Variants in MCUB observed in about 807,000 individuals in gnomAD.
MCUB encodes the protein calcium uniporter regulatory subunit MCUb, mitochondrial.
In MCUB, 46 loss-of-function variants were observed where a neutral mutation model predicts 41.4. The ratio of observed to expected loss-of-function variants is 1.11; its 90% CI spans 0.88 to 1.42. The LOEUF (loss-of-function observed/expected upper bound fraction) is 1.42, where lower values mean the gene tolerates loss of function less well. Among genes scored for constraint, MCUB ranks in the 40% most tolerant of loss-of-function variants. MCUB has a pLI of 0.00. For missense variants in MCUB, 403 were observed against 404.9 expected, an observed-to-expected ratio of 1.00 and a Z score of 0.04; for synonymous variants, 148 against 148.2, an observed-to-expected ratio of 1.00 and a Z score of 0.01.
chr4:109,603,539 GTC>G (rs1274113228), intron 1 of MCUB, among the ~76,000 whole-genome samples: 3 of 151,342 alleles, frequency 2.0e-5, no homozygotes, highest in East Asian at 2.0e-4. Flanking sequence ...AGTGAGGAGT[GTC>G]TCTGCCTGGC....
intron 1 of MCUB, among the ~76,000 whole-genome samples, chr4:109,578,190 A>T (rs939553138): frequency 5.3e-5 from 8 of 152,146 alleles, no homozygotes; most frequent in African/African-American, 1.9e-4. Flanking sequence ...CCCCCCACAC[A>T]CAAAAAATCC....
chr4:109,612,696 T>C (rs886833619), intron 1 of MCUB, among the ~76,000 whole-genome samples: 1 of 152,054 alleles, frequency 6.6e-6, no homozygotes, highest in Non-Finnish European at 1.5e-5. Flanking sequence ...AACATATAAA[T>C]GGGGGAGAGG....
At chr4:109,652,181 A>C (rs1728976577) in intron 1 of MCUB, among the ~76,000 whole-genome samples, 1 of 152,064 alleles carries the variant, frequency 6.6e-6, no homozygotes, top group African/African-American at 2.4e-5. Flanking sequence ...TATACTAATG[A>C]CCTCATTTTA....
chr4:109,625,965 T>G (rs1464315025), intron 1 of MCUB, among the ~76,000 whole-genome samples: 1 of 152,238 alleles, frequency 6.6e-6, no homozygotes, highest in Non-Finnish European at 1.5e-5. Flanking sequence ...GCATTCGTCC[T>G]CAGTGTTAAA....
Position 109,685,271 on chromosome 4 carries a change from T to C in MCUB, c.837T>C (p.Val279=). The C allele has an allele frequency of 6.7e-7, 1 of 1,497,684 alleles. No individual in the cohort carries two copies. The highest frequency in any genetic ancestry group is 9.3e-7 in the Non-Finnish European group (1 of 1,075,444). The allele number at this position is 1,497,684 out of a possible 1,614,324, so 92.8% of individuals were successfully genotyped here. A position where few individuals can be genotyped will look rare whatever the true frequency, so the allele number is the denominator to read the frequency against. ...VTRQDYTYSA[V]KSRQFLQFFH... is the part of the protein sequence containing the mutation. ...TTAAGGATTATACTTACTCAGCTGT[T>C]AAGAGTAGGCAATTTCTTCAGTTCT... Residue 279 remains valine, a synonymous_variant, in exon 7 of 8, where the codon GTT becomes GTC. Transcript: ENST00000394650.
chr4:109,568,423 G>A (rs116726939), intron 1 of MCUB, among the ~76,000 whole-genome samples: 2,676 of 152,146 alleles, frequency 0.018, 80 homozygotes, highest in African/African-American at 0.06. Context: ...CCGCTCTAGC[G>A]TGGCTGAGCT....
intron 1 of MCUB, among the ~76,000 whole-genome samples, chr4:109,633,298 C>T (rs571203061): frequency 2.0e-5 from 3 of 152,096 alleles, no homozygotes; most frequent in African/African-American, 7.2e-5. Context: ...GACAAAGTCT[C>T]GGTCTGTCGC....
intron 1 of MCUB, among the ~76,000 whole-genome samples, chr4:109,638,798 C>T (rs1728651911): frequency 1.3e-5 from 2 of 152,344 alleles, no homozygotes; most frequent in South Asian, 4.1e-4. Flanking sequence ...AAATTCACAG[C>T]ATCTTCACCA....
rs77427899 is a variant in MCUB, at chr4:109,583,153, C to T, written c.99+22717C>T. On this transcript the variant is annotated intron_variant, in intron 1 of 7. Coordinates refer to ENST00000394650, the MANE Select transcript of MCUB (RefSeq NM_017918.5). ...CATTGAATCTATAAATTACCTTGGG[C>T]GGTACGGCCATTTTCATGATACTGA... Among the ~76,000 whole-genome samples the T allele has an allele frequency of 3.5e-3, 533 of 152,242 alleles. 11 individuals carry two copies. In the East Asian group the frequency reaches 0.055, roughly 16 times the overall value.
chr4:109,668,776 T>C (rs1315159398), intron 4 of MCUB, among the ~76,000 whole-genome samples: 1 of 152,054 alleles, frequency 6.6e-6, no homozygotes, highest in East Asian at 1.9e-4. Context: ...GTATATTTCA[T>C]TTTCTCTCCT....
intron 1 of MCUB, among the ~76,000 whole-genome samples, chr4:109,637,645 T>A (rs926036724): frequency 1.3e-5 from 2 of 152,184 alleles, no homozygotes; most frequent in African/African-American, 4.8e-5. Flanking sequence ...GTGAAGTAAC[T>A]CAGGAATGGA....
At chr4:109,627,697 G>A (rs1728389930) in intron 1 of MCUB, among the ~76,000 whole-genome samples, 1 of 152,172 alleles carries the variant, frequency 6.6e-6, no homozygotes, top group African/African-American at 2.4e-5. Context: ...CGGATCACCT[G>A]AGGTCAGGAA....
intron 1 of MCUB, among the ~76,000 whole-genome samples, chr4:109,599,680 TA>T (rs67040274): frequency 0.046 from 6,934 of 151,238 alleles, 455 homozygotes; most frequent in African/African-American, 0.15. Context: ...TTTATTTATT[TA>T]TTTTTTTAAG....
chr4:109,593,046 T>A (rs1293347209), intron 1 of MCUB, among the ~76,000 whole-genome samples: 1 of 152,232 alleles, frequency 6.6e-6, no homozygotes, highest in South Asian at 2.1e-4. Context: ...GACAAATGCT[T>A]CTTTCAGTGC....
rs551456587 is a variant in MCUB, at chr4:109,594,676, A to G, written c.99+34240A>G. 1.1e-4 allele frequency among the ~76,000 whole-genome samples: 16 copies of G among 152,024 alleles called. No individual in the cohort carries two copies. In the South Asian group the frequency reaches 3.1e-3, roughly 30 times the overall value. ...TTGTCTCAAAAAAAAAAGGAGGGAAAGGCAGCCCCCTCAATAATCCCTGGA... is the reference window on the plus strand; with the variant it reads ...TTGTCTCAAAAAAAAAAGGAGGGAAGGGCAGCCCCCTCAATAATCCCTGGA... On this transcript the variant is annotated intron_variant, in intron 1 of 7. Coordinates refer to ENST00000394650, the MANE Select transcript of MCUB (RefSeq NM_017918.5).
chr4:109,657,889 G>A (rs568839136), intron 1 of MCUB, among the ~76,000 whole-genome samples: 3 of 152,244 alleles, frequency 2.0e-5, no homozygotes, highest in South Asian at 2.1e-4. Flanking sequence ...CTATTCCTGC[G>A]CTTTTGCTTT....
At chr4:109,626,544 G>A (rs186159795) in intron 1 of MCUB, among the ~76,000 whole-genome samples, 1 of 152,078 alleles carries the variant, frequency 6.6e-6, no homozygotes, top group East Asian at 1.9e-4. Context: ...CAGGCGCAGT[G>A]GCTCATGCCT....
At chr4:109,587,246 G>A (rs1246004380) in intron 1 of MCUB, among the ~76,000 whole-genome samples, 1 of 152,250 alleles carries the variant, frequency 6.6e-6, no homozygotes, top group African/African-American at 2.4e-5. Flanking sequence ...AGGCTCCATG[G>A]GCGTGGGACC....
intron 1 of MCUB, among the ~76,000 whole-genome samples, chr4:109,641,308 G>A (rs1409115846): frequency 7.0e-6 from 1 of 143,284 alleles, no homozygotes; most frequent in African/African-American, 2.6e-5. Flanking sequence ...TTTTCACCAT[G>A]TTAGCCAGGA....
Sources: gnomAD v4.1 joint callset for allele counts (sites outside exome capture counted in the v4.1 genomes callset) on GRCh38, gnomAD v4.1.1 for gene constraint, MANE v1.5 for transcripts, NCBI Gene and HGNC (gene_info 2026-07-23, HGNC 2026-07-21) for gene names.